FBXO34: variants seen among roughly 807,000 people sequenced by gnomAD.
FBXO34 encodes the protein F-box only protein 34.
FBXO34 carries 12 observed loss-of-function variants against 24.5 expected under a neutral mutation model. The ratio of observed to expected loss-of-function variants is 0.49; its 90% CI spans 0.31 to 0.79. FBXO34 has a LOEUF of 0.79. Ranked by LOEUF, FBXO34 falls within the 30% of genes least tolerant of loss-of-function variation. The pLI is 0.04. For synonymous variants in FBXO34, 320 were observed against 311.9 expected, an observed-to-expected ratio of 1.03 and a Z score of -0.27; for missense variants, 823 against 857.7, an observed-to-expected ratio of 0.96 and a Z score of 0.51.
the FBXO34 span, among the ~76,000 whole-genome samples, chr14:55,432,248 A>C: frequency 6.7e-6 from 1 of 149,728 alleles, no homozygotes; most frequent in African/African-American, 2.5e-5. Flanking sequence ...GTCTCTACAA[A>C]AAAAAAAAAA....
Position 55,296,382 on chromosome 14 carries a change from G to GTTTTTTTTTTTTTTTTTTTTT in FBXO34, c.-11+24853_-11+24854insTTTTTTTTTTTTTTTTTTTTT, listed in dbSNP as rs1285557004. Reference sequence around the variant, plus strand: ...AGTGGGTAGGTTTTGCTGTTCTTGTGTTTTTTTTGTTTTTTTTTTTTTTTT... The same window carrying GTTTTTTTTTTTTTTTTTTTTT: ...AGTGGGTAGGTTTTGCTGTTCTTGTGTTTTTTTTTTTTTTTTTTTTTTTTTTTTTGTTTTTTTTTTTTTTTT... On this transcript the variant is annotated intron_variant, in intron 1 of 1. Coordinates refer to ENST00000313833, the MANE Select transcript of FBXO34 (RefSeq NM_017943.4). 1.5e-4 allele frequency among the ~76,000 whole-genome samples: 14 copies of GTTTTTTTTTTTTTTTTTTTTT among 95,822 alleles called. 3 individuals are homozygous for GTTTTTTTTTTTTTTTTTTTTT. Among genetic ancestry groups the GTTTTTTTTTTTTTTTTTTTTT allele is most frequent in the African/African-American group, 2.3e-4 (6 of 26,472 alleles). The allele number at this position is 95,822 out of a possible 152,430, so 62.9% of individuals were successfully genotyped here. A position where few individuals can be genotyped will look rare whatever the true frequency, so the allele number is the denominator to read the frequency against.
At chr14:55,346,668 C>T (rs1016982894) in intron 1 of FBXO34, among the ~76,000 whole-genome samples, 19 of 152,164 alleles carry the variant, frequency 1.2e-4, no homozygotes, top group East Asian at 5.8e-4. Flanking sequence ...AAGAAGAGAG[C>T]TGGGAAGTCT....
At chr14:55,304,923 T>C (rs918701845) in intron 1 of FBXO34, among the ~76,000 whole-genome samples, 3 of 152,256 alleles carry the variant, frequency 2.0e-5, no homozygotes, top group Non-Finnish European at 4.4e-5. Flanking sequence ...TTTGTTTTTG[T>C]ACTTTTTGGT....
the FBXO34 span, chr14:55,382,099 G>A: frequency 1.2e-6 from 2 of 1,614,082 alleles, no homozygotes; most frequent in Admixed American, 1.7e-5. Context: ...CCATCGTCCT[G>A]AGAGGTAAGT....
the FBXO34 span, chr14:55,414,121 T>C: frequency 1.8e-6 from 1 of 557,580 alleles, no homozygotes; most frequent in Middle Eastern, 4.8e-4. Context: ...GTCTTCATGA[T>C]GCTACAATAT....
chr14:55,428,793 T>C, the FBXO34 span: 1 of 1,611,390 alleles, frequency 6.2e-7, no homozygotes, highest in Non-Finnish European at 8.5e-7. Flanking sequence ...GTTCAAGCTA[T>C]ATAACCGTCA....
the FBXO34 span, among the ~76,000 whole-genome samples, chr14:55,424,725 GA>G: frequency 3.3e-5 from 5 of 152,138 alleles, no homozygotes; most frequent in Non-Finnish European, 7.4e-5. Context: ...ATTTGTATTT[GA>G]ACAGGTGCTA....
chr14:55,319,033 A>C (rs1302800335), intron 1 of FBXO34, among the ~76,000 whole-genome samples: 2 of 152,136 alleles, frequency 1.3e-5, no homozygotes, highest in East Asian at 1.9e-4. Flanking sequence ...TTTGTTGTTG[A>C]TGGCCAGTGT....
rs192862489 is a variant in FBXO34 at position 55,340,142 on chromosome 14, C to T, written c.-10-10239C>T. ...TGGGCTTGTAGCTACCCTTCCACCT[C>T]AGCCTCCCAAGTTGCTGGGAGTACG... On this transcript the variant is annotated intron_variant, in intron 1 of 1. Coordinates refer to ENST00000313833, the MANE Select transcript of FBXO34 (RefSeq NM_017943.4). Among the ~76,000 whole-genome samples the T allele has an allele frequency of 1.9e-3, 297 of 152,316 alleles. 1 individual carries two copies. Among genetic ancestry groups the T allele is most frequent in the Admixed American group, 3.5e-3 (53 of 15,302 alleles).
chr14:55,330,652 G>A (rs1432713921), intron 1 of FBXO34, among the ~76,000 whole-genome samples: 1 of 152,092 alleles, frequency 6.6e-6, no homozygotes, highest in African/African-American at 2.4e-5. Context: ...TTAGCTGGGA[G>A]TGGTGGTATA....
At chr14:55,368,354 G>C (rs1884731861), downstream of FBXO34, 1 of 152,266 alleles carries the variant, frequency 6.6e-6, no homozygotes, top group Non-Finnish European at 1.5e-5. Context: ...CGAGTAGCTG[G>C]GATTACAGGC....
At chr14:55,429,376 C>T in the FBXO34 span, among the ~76,000 whole-genome samples, 6 of 152,288 alleles carry the variant, frequency 3.9e-5, no homozygotes, top group East Asian at 1.9e-4. Flanking sequence ...GGGGTGGGGC[C>T]GAGCAATCTG....
At chr14:55,295,434 G>T (rs1317671269) in intron 1 of FBXO34, among the ~76,000 whole-genome samples, 2 of 107,820 alleles carry the variant, frequency 1.9e-5, no homozygotes, top group African/African-American at 3.7e-5. Flanking sequence ...CTCGTCTGTT[G>T]CCCAGGCTGG....
Position 55,352,577 on chromosome 14 carries a change from C to G in FBXO34, c.*51C>G. On this transcript the variant is annotated 3_prime_UTR_variant, in exon 2 of 2. Coordinates refer to ENST00000313833, the MANE Select transcript of FBXO34 (RefSeq NM_017943.4). The stretch of plus-strand genomic sequence containing the variant: ...ACCGGTTTCTAAAGCTGCAAAACAC[C>G]TAGATACACCGTTCAAATGAGCGTA... The G allele has an allele frequency of 6.9e-7, 1 of 1,444,818 alleles. No individual in the cohort carries two copies. Among genetic ancestry groups the G allele is most frequent in the South Asian group, 1.4e-5 (1 of 73,266 alleles). The allele number at this position is 1,444,818 out of a possible 1,614,324, so 89.5% of individuals were successfully genotyped here. A position where few individuals can be genotyped will look rare whatever the true frequency, so the allele number is the denominator to read the frequency against.
rs151303246 is a variant in FBXO34 at position 55,292,277 on chromosome 14, C to T, written c.-11+20740C>T. Reference sequence around the variant, plus strand: ...TAAGTGTCCTTAATTATATTTTTAACTATGAGCTTTTGGTTGGGACTTAAG... The same window carrying T: ...TAAGTGTCCTTAATTATATTTTTAATTATGAGCTTTTGGTTGGGACTTAAG... On this transcript the variant is annotated intron_variant, in intron 1 of 1. Transcript: ENST00000313833. Among the ~76,000 whole-genome samples, 24 of 152,210 alleles carry T rather than the reference C, an allele frequency of 1.6e-4. No homozygotes were observed. The East Asian group carries it at 4.0e-3, about 26-fold the overall frequency.
chr14:55,289,394 C>T (rs578022689), intron 1 of FBXO34, among the ~76,000 whole-genome samples: 1 of 152,208 alleles, frequency 6.6e-6, no homozygotes, highest in Non-Finnish European at 1.5e-5. Flanking sequence ...GCTTCAAACA[C>T]AAAAGGTGCA....
the FBXO34 span, among the ~76,000 whole-genome samples, chr14:55,398,301 AACTT>A: frequency 1.3e-5 from 2 of 152,016 alleles, no homozygotes; most frequent in Non-Finnish European, 2.9e-5. Context: ...TCTTCTTGCC[AACTT>A]ACTTGGGTTT....
chr14:55,371,458 G>C (rs1884814208), downstream of FBXO34, among the ~76,000 whole-genome samples: 1 of 152,118 alleles, frequency 6.6e-6, no homozygotes, highest in Non-Finnish European at 1.5e-5. Flanking sequence ...TATTAAATTG[G>C]AAGATACGCC....
chr14:55,402,955 ATATATAT>A, the FBXO34 span, among the ~76,000 whole-genome samples: 1 of 77,930 alleles, frequency 1.3e-5, no homozygotes, highest in Non-Finnish European at 2.7e-5. Context: ...ATATATATAT[ATATATAT>A]ATATATAAAT....
Sources: allele counts gnomAD v4.1 joint callset (sites outside exome capture counted in the v4.1 genomes callset), GRCh38; gene constraint gnomAD v4.1.1; transcripts MANE v1.5; gene names NCBI Gene and HGNC (gene_info 2026-07-23, HGNC 2026-07-21).